Variants in DYNC2I1 observed in about 807,000 individuals in gnomAD.
DYNC2I1 encodes the protein dynein 2 intermediate chain 1, also known as cytoplasmic dynein 2 intermediate chain 1.
In DYNC2I1, 89 loss-of-function variants were observed where a neutral mutation model predicts 133.4. The observed-to-expected ratio is 0.67, with a 90% CI of 0.56 to 0.80. DYNC2I1 has a LOEUF of 0.80. Among genes scored for constraint, DYNC2I1 ranks in the 30% least tolerant of loss-of-function variants. The pLI, the probability that DYNC2I1 is intolerant of heterozygous loss-of-function variation, is 0.00. For missense variants in DYNC2I1, 1,291 were observed against 1,314.5 expected (o/e 0.98, Z 0.28); for synonymous variants, 504 against 484.3 (o/e 1.04, Z -0.54).
In DYNC2I1 at chr7:158,911,693, GTGT is replaced by G; in HGVS notation, c.1590+16_1590+18del. The G allele has an allele frequency of 6.3e-7, 1 of 1,599,326 alleles. No individual in the cohort carries two copies. The highest frequency in any genetic ancestry group is 8.5e-7 in the Non-Finnish European group (1 of 1,174,776). On this transcript the variant is annotated intron_variant, in intron 12 of 24. Transcript: ENST00000407559. ...AATACCAAGCAGGTAAGTATGAGATGTGTTAACTAAGTGATAAAATGCAAGTAA... is the reference window on the plus strand; with the variant it reads ...AATACCAAGCAGGTAAGTATGAGATGTAACTAAGTGATAAAATGCAAGTAA...
upstream of DYNC2I1, among the ~76,000 whole-genome samples, chr7:158,856,027 C>T (rs1841205904): frequency 6.6e-6 from 1 of 150,382 alleles, no homozygotes; most frequent in Admixed American, 6.6e-5. Context: ...CTGCAAGCTC[C>T]GTCTCCCAGG....
rs79307484 is a variant in DYNC2I1 at position 158,900,433 on chromosome 7, T to A, written c.1060-1306T>A. ...CACCGCGCCCAGCCTGTAATTCTTA[T>A]CTATGTTCCTCAGTAGATAAAGTGT... is the stretch of plus-strand genomic sequence containing the variant. On this transcript the variant is annotated intron_variant, in intron 8 of 24. Transcript: ENST00000407559. Among the ~76,000 whole-genome samples, 932 of 152,312 alleles carry A rather than the reference T, an allele frequency of 6.1e-3. 58 individuals are homozygous for A. The East Asian group carries it at 0.13, about 21-fold the overall frequency.
At chr7:158,880,514 C>T (rs1465344469) in intron 5 of DYNC2I1, among the ~76,000 whole-genome samples, 4 of 152,024 alleles carry the variant, frequency 2.6e-5, no homozygotes, top group African/African-American at 4.8e-5. Flanking sequence ...GAGCTGAGAT[C>T]GCACCACTGC....
intron 3 of DYNC2I1, among the ~76,000 whole-genome samples, chr7:158,873,252 T>C (rs1389872744): frequency 1.3e-5 from 2 of 152,208 alleles, no homozygotes; most frequent in African/African-American, 4.8e-5. Context: ...CTTACAAAAA[T>C]GTAAACTAGC....
Position 158,942,011 on chromosome 7 carries a change from T to TGCGGTCACCGGCCTGCA in DYNC2I1, c.2867_2883dup (p.Trp962ArgfsTer80), listed in dbSNP as rs1333563081. ...AGTGGGACAGCAGCACGGACAGCCATGCGGTCACCGGCCTGCAGTGGTCCC... is the reference window on the plus strand; with the variant it reads ...AGTGGGACAGCAGCACGGACAGCCATGCGGTCACCGGCCTGCAGCGGTCACCGGCCTGCAGTGGTCCC... On this transcript the variant is annotated frameshift_variant, in exon 24 of 25. Coordinates refer to ENST00000407559, the MANE Select transcript of DYNC2I1 (RefSeq NM_018051.5). LOFTEE classifies it high-confidence loss of function. 1 of 1,613,464 alleles carries TGCGGTCACCGGCCTGCA rather than the reference T, an allele frequency of 6.2e-7. No individual in the cohort carries two copies. Among genetic ancestry groups the TGCGGTCACCGGCCTGCA allele is most frequent in the African/African-American group, 1.3e-5 (1 of 74,944 alleles).
chr7:158,909,678 C>G (rs1012454772), intron 11 of DYNC2I1, among the ~76,000 whole-genome samples: 1 of 152,096 alleles, frequency 6.6e-6, no homozygotes, highest in African/African-American at 2.4e-5. Context: ...GCCGCTGGGC[C>G]CTGAAGAGCC....
chr7:158,893,482 A>G (rs1349383864), intron 8 of DYNC2I1, among the ~76,000 whole-genome samples: 1 of 152,182 alleles, frequency 6.6e-6, no homozygotes, highest in Non-Finnish European at 1.5e-5. Context: ...TGGCAAAATC[A>G]TTTGACACAA....
In DYNC2I1 at chr7:158,902,751, A is replaced by G. The variant is rs1287525810; in HGVS notation, c.1357+156A>G. On this transcript the variant is annotated intron_variant, in intron 10 of 24. Transcript: ENST00000407559. ...GGTGCCATGCCCTTGCAGCTACCAC[A>G]TAGGAGGCCCCTGAAGACTTGAGCA... is the stretch of plus-strand genomic sequence containing the variant. 2.0e-5 allele frequency: 13 copies of G among 663,046 alleles called. No homozygotes were observed. In the East Asian group the frequency reaches 2.4e-4, roughly 12 times the overall value. 41.1% of individuals were successfully genotyped at this position (663,046 alleles called of 1,614,324 possible).
chr7:158,955,514 A>G (rs1273022438), intron 4 of DYNC2I1, among the ~76,000 whole-genome samples: 1 of 152,232 alleles, frequency 6.6e-6, no homozygotes, highest in Non-Finnish European at 1.5e-5. Flanking sequence ...GTTCAGTTCA[A>G]CAAACACTCC....
In DYNC2I1 at chr7:158,880,186, A is replaced by C. The variant is rs183015468; in HGVS notation, c.879+197A>C. On this transcript the variant is annotated intron_variant, in intron 5 of 24. Coordinates refer to ENST00000407559, the MANE Select transcript of DYNC2I1 (RefSeq NM_018051.5). The stretch of plus-strand genomic sequence containing the variant: ...GATCTCCTAAGGAATGTGCTGTCAC[A>C]TATTTTGATTATATCGTGAATGTAC... Among the ~76,000 whole-genome samples the C allele has an allele frequency of 1.6e-4, 25 of 152,364 alleles. No homozygotes were observed. In the East Asian group the frequency reaches 4.8e-3, roughly 29 times the overall value.
At chr7:158,926,589 G>T (rs750061423) in intron 19 of DYNC2I1, 126 bp downstream of exon 19, 2 of 1,087,468 alleles carry the variant, frequency 1.8e-6, no homozygotes, top group Non-Finnish European at 2.7e-6. Context: ...GCAAGACTGG[G>T]CTTCTTGGTC....
chr7:158,881,620 A>G (rs1371905523), intron 5 of DYNC2I1, among the ~76,000 whole-genome samples: 6 of 151,730 alleles, frequency 4.0e-5, no homozygotes, highest in Non-Finnish European at 5.9e-5. Flanking sequence ...CTCCCGGCTA[A>G]TTTTTTGTAT....
At chr7:158,950,478 C>T (rs1293632264), downstream of DYNC2I1, among the ~76,000 whole-genome samples, 1 of 100,632 alleles carries the variant, frequency 9.9e-6, no homozygotes, top group Non-Finnish European at 2.0e-5. Context: ...TCCAGGTGTT[C>T]TATATGATTC....
At chr7:158,877,094 T>C (rs1180125363) in intron 4 of DYNC2I1, among the ~76,000 whole-genome samples, 1 of 152,246 alleles carries the variant, frequency 6.6e-6, no homozygotes, top group Non-Finnish European at 1.5e-5. Flanking sequence ...TTTTCCTGAG[T>C]GATCCTGTCT....
chr7:158,899,749 C>T (rs1846066937), intron 8 of DYNC2I1, among the ~76,000 whole-genome samples: 1 of 152,200 alleles, frequency 6.6e-6, no homozygotes, highest in Non-Finnish European at 1.5e-5. Flanking sequence ...CTTCCTGCCA[C>T]CACGTTCAAG....
At chr7:158,855,741 AG>A (rs1314194194), upstream of DYNC2I1, among the ~76,000 whole-genome samples, 5 of 152,222 alleles carry the variant, frequency 3.3e-5, no homozygotes, top group Non-Finnish European at 5.9e-5. Flanking sequence ...AGGCGGTTTC[AG>A]GCTTTCAGCC....
At chr7:158,921,641 A>G (rs546913040) in intron 15 of DYNC2I1, among the ~76,000 whole-genome samples, 1 of 152,148 alleles carries the variant, frequency 6.6e-6, no homozygotes, top group South Asian at 2.1e-4. Flanking sequence ...GGACGTTGTG[A>G]CCCAAGCATG....
rs1008605768 is a variant in DYNC2I1 at position 158,869,332 on chromosome 7, C to T, written c.16-523C>T. Reference sequence around the variant, plus strand: ...CATCTGCAGGGGCCTCTCCCCAGGGCTGCTTCTCTTCCTCACAGGGAAGTA... The same window carrying T: ...CATCTGCAGGGGCCTCTCCCCAGGGTTGCTTCTCTTCCTCACAGGGAAGTA... On this transcript the variant is annotated intron_variant, in intron 1 of 24. Coordinates refer to ENST00000407559, the MANE Select transcript of DYNC2I1 (RefSeq NM_018051.5). The T allele has an allele frequency of 6.4e-4, 257 of 400,884 alleles. 1 individual carries two copies. The highest frequency in any genetic ancestry group is 1.3e-4 in the Non-Finnish European group (25 of 195,754). The allele number at this position is 400,884 out of a possible 1,614,324, so 24.8% of individuals were successfully genotyped here. A position where few individuals can be genotyped will look rare whatever the true frequency, so the allele number is the denominator to read the frequency against.
intron 4 of DYNC2I1, 58 bp downstream of exon 4, chr7:158,876,749 T>C (rs766301413): frequency 8.3e-5 from 123 of 1,489,250 alleles, no homozygotes; most frequent in Non-Finnish European, 1.1e-4. Context: ...AAAGGATGTT[T>C]TAAGCATTAT....
Sources: allele counts gnomAD v4.1 joint callset (sites outside exome capture counted in the v4.1 genomes callset), GRCh38; gene constraint gnomAD v4.1.1; transcripts MANE v1.5; gene names NCBI Gene and HGNC (gene_info 2026-07-23, HGNC 2026-07-21).